NAA16: variants seen among roughly 807,000 people sequenced by gnomAD.
NAA16 encodes NARG1-like protein.
NAA16 carries 97 observed loss-of-function variants against 110.3 expected under a neutral mutation model. That is an observed-to-expected ratio of 0.88 (90% CI 0.75 to 1.04). NAA16 has a LOEUF of 1.04. Among genes scored for constraint, NAA16 ranks in the 50% least tolerant of loss-of-function variants. The pLI is 0.00. For synonymous variants in NAA16, 372 were observed against 330.6 expected, an observed-to-expected ratio of 1.13 and a Z score of -1.36; for missense variants, 1,017 against 1,005.1, an observed-to-expected ratio of 1.01 and a Z score of -0.16.
At chr13:41,323,599 A>G (rs866528424) in intron 5 of NAA16, among the ~76,000 whole-genome samples, 2 of 148,542 alleles carry the variant, frequency 1.3e-5, no homozygotes, top group Non-Finnish European at 1.5e-5. Context: ...TGATCCGCCC[A>G]CCTCGGCCTC....
At chr13:41,312,615 G>A (rs2041657884) in intron 1 of NAA16, among the ~76,000 whole-genome samples, 1 of 152,156 alleles carries the variant, frequency 6.6e-6, no homozygotes, top group Non-Finnish European at 1.5e-5. Context: ...TTTATTGAAA[G>A]CTGGGTTGGC....
chr13:41,314,894 A>C (rs1206074780), intron 1 of NAA16, among the ~76,000 whole-genome samples: 1 of 152,112 alleles, frequency 6.6e-6, no homozygotes, highest in Non-Finnish European at 1.5e-5. Flanking sequence ...CTATCCACTC[A>C]GGAGGCTAAG....
At chr13:41,364,404 C>T (rs777186172) in intron 13 of NAA16, among the ~76,000 whole-genome samples, 13 of 152,028 alleles carry the variant, frequency 8.6e-5, no homozygotes, top group Non-Finnish European at 1.9e-4. Context: ...CATCCCCCCC[C>T]CATAAGATTT....
intron 12 of NAA16, among the ~76,000 whole-genome samples, chr13:41,359,853 T>TTC (rs1206453784): frequency 6.6e-6 from 1 of 152,172 alleles, no homozygotes; most frequent in Non-Finnish European, 1.5e-5. Flanking sequence ...AAGCAAACCT[T>TTC]ACACTTATAG....
At chr13:41,344,587 A>G (rs1174478197) in intron 9 of NAA16, among the ~76,000 whole-genome samples, 1 of 152,172 alleles carries the variant, frequency 6.6e-6, no homozygotes, top group East Asian at 1.9e-4. Flanking sequence ...CAGCCTTCCT[A>G]ACAAAGGATT....
chr13:41,332,458 T>C (rs547711602), intron 8 of NAA16, among the ~76,000 whole-genome samples: 126 of 152,346 alleles, frequency 8.3e-4, no homozygotes, highest in African/African-American at 2.9e-3. Flanking sequence ...AGTCGAGTTA[T>C]TGTATGTAGC....
chr13:41,312,472 C>T (rs1002805657), intron 1 of NAA16, among the ~76,000 whole-genome samples: 1 of 152,076 alleles, frequency 6.6e-6, no homozygotes, highest in African/African-American at 2.4e-5. Flanking sequence ...CATTCCTTTG[C>T]TTTCCTCAGT....
intron 8 of NAA16, among the ~76,000 whole-genome samples, chr13:41,335,455 A>G (rs1292075524): frequency 1.3e-5 from 2 of 152,174 alleles, no homozygotes; most frequent in African/African-American, 4.8e-5. Flanking sequence ...GTCTACCACA[A>G]TATTGTTAAT....
chr13:41,340,992 C>T (rs980071335), intron 9 of NAA16, among the ~76,000 whole-genome samples: 30 of 152,218 alleles, frequency 2.0e-4, no homozygotes, highest in African/African-American at 7.2e-4. Context: ...ATCCTGAGTT[C>T]TAATTTGATT....
intron 12 of NAA16, among the ~76,000 whole-genome samples, chr13:41,361,081 C>T (rs1441355201): frequency 6.6e-6 from 1 of 152,114 alleles, no homozygotes; most frequent in Non-Finnish European, 1.5e-5. Context: ...TGCATCCTTT[C>T]CTGGGGTCAT....
At chr13:41,350,607 GTT>G (rs1294602444) in intron 9 of NAA16, among the ~76,000 whole-genome samples, 916 of 26,034 alleles carry the variant, frequency 0.035, 26 homozygotes, top group African/African-American at 0.084. Context: ...GTTTTTTTTT[GTT>G]TTTTTTTTTT....
intron 10 of NAA16, among the ~76,000 whole-genome samples, 178 bp from the exon 11 acceptor site, chr13:41,358,126 G>C (rs1159102888): frequency 6.6e-6 from 1 of 152,090 alleles, no homozygotes; most frequent in Non-Finnish European, 1.5e-5. Flanking sequence ...TCTCTACATG[G>C]CTGCCACTTT....
chr13:41,361,611 G>C (rs1282799183), intron 12 of NAA16, among the ~76,000 whole-genome samples: 1 of 152,190 alleles, frequency 6.6e-6, no homozygotes, highest in Non-Finnish European at 1.5e-5. Flanking sequence ...TTATGTATAT[G>C]TGGGTTTTCC....
intron 9 of NAA16, among the ~76,000 whole-genome samples, chr13:41,339,433 C>CCAGCT (rs2042473668): frequency 6.6e-6 from 1 of 152,180 alleles, no homozygotes; most frequent in Non-Finnish European, 1.5e-5. Flanking sequence ...GCCACCGCGC[C>CCAGCT]TGGCCGAAAT....
At chr13:41,327,245 G>T (rs1024329645) in intron 6 of NAA16, among the ~76,000 whole-genome samples, 1 of 148,784 alleles carries the variant, frequency 6.7e-6, no homozygotes, top group African/African-American at 2.6e-5. Context: ...ATAAAATATG[G>T]GTAAATAATT....
chr13:41,334,614 G>A (rs927095211), intron 8 of NAA16, among the ~76,000 whole-genome samples: 12 of 152,090 alleles, frequency 7.9e-5, no homozygotes, highest in African/African-American at 2.2e-4. Flanking sequence ...TACTAAACAG[G>A]CACATAATAA....
rs891744311 is a variant in NAA16 at position 41,345,274 on chromosome 13, C to T, written c.1014+8518C>T. ...TTTAAGGAACTGTCAGACTCTTTTT[C>T]CAAAGTTCCTCCACCATTTTACATT... is the stretch of plus-strand genomic sequence containing the variant. On this transcript the variant is annotated intron_variant, in intron 9 of 19. Transcript: ENST00000379406. Among the ~76,000 whole-genome samples the T allele has an allele frequency of 3.3e-5, 5 of 152,114 alleles. No homozygotes were observed. In the East Asian group the frequency reaches 9.6e-4, roughly 29 times the overall value.
intron 9 of NAA16, among the ~76,000 whole-genome samples, chr13:41,342,033 T>C (rs867409064): frequency 3.3e-5 from 5 of 151,128 alleles, no homozygotes; most frequent in South Asian, 4.2e-4. Flanking sequence ...GGGGTTTCAC[T>C]GTGTTCGCCA....
chr13:41,331,215 A>G, intron 7 of NAA16, 59 bp from the exon 8 acceptor site: 1 of 1,010,546 alleles, frequency 9.9e-7, no homozygotes, highest in East Asian at 2.4e-5. Context: ...GTTTGTTAGC[A>G]TTTTACCATA....
Sources: allele counts gnomAD v4.1 joint callset (sites outside exome capture counted in the v4.1 genomes callset), GRCh38; gene constraint gnomAD v4.1.1; transcripts MANE v1.5; gene names NCBI Gene and HGNC (gene_info 2026-07-23, HGNC 2026-07-21).